NELL2: variants seen among roughly 807,000 people sequenced by gnomAD.
NELL2 encodes the protein neural EGFL like 2, also known as protein kinase C-binding protein NELL2.
In NELL2, 41 loss-of-function variants were observed where a neutral mutation model predicts 109.6. That is an observed-to-expected ratio of 0.37 (90% CI 0.29 to 0.49). NELL2 has a LOEUF of 0.49. NELL2 is among the 20% of genes least tolerant of loss of function. The probability of loss-of-function intolerance (pLI) is 0.98; values close to 1 mark genes in which losing one functional copy is unlikely to be tolerated. For synonymous variants in NELL2, 355 were observed against 344.7 expected, an observed-to-expected ratio of 1.03 and a Z score of -0.33; for missense variants, 900 against 1,008.3, an observed-to-expected ratio of 0.89 and a Z score of 1.45.
chr12:44,613,312 G>A (rs551607656), intron 13 of NELL2, among the ~76,000 whole-genome samples: 3 of 152,070 alleles, frequency 2.0e-5, no homozygotes, highest in Non-Finnish European at 4.4e-5. Context: ...TGAATTTTTA[G>A]ACCAGATTTT....
intron 12 of NELL2, among the ~76,000 whole-genome samples, chr12:44,681,381 C>G (rs1234874456): frequency 1.3e-5 from 2 of 148,222 alleles, no homozygotes; most frequent in Non-Finnish European, 3.0e-5. Flanking sequence ...TGGCATAACC[C>G]TTTTTTATTT....
At chr12:44,589,569 T>G (rs1407696545) in intron 15 of NELL2, among the ~76,000 whole-genome samples, 1 of 152,040 alleles carries the variant, frequency 6.6e-6, no homozygotes, top group Admixed American at 6.6e-5. Context: ...TTAGTAAAGA[T>G]GCGGTTTCAC....
chr12:44,540,382 G>A (rs11182530), intron 15 of NELL2, among the ~76,000 whole-genome samples: 23,389 of 152,060 alleles, frequency 0.15, 1,930 homozygotes, highest in East Asian at 0.27. Context: ...AAAGATTAGA[G>A]TCTTTATGTG....
chr12:44,691,073 C>T (rs1948883070), intron 12 of NELL2, among the ~76,000 whole-genome samples: 1 of 152,094 alleles, frequency 6.6e-6, no homozygotes. Context: ...AGTCATACAA[C>T]TGTGGGGAGC....
At chr12:44,749,661 A>G (rs1371862428) in intron 9 of NELL2, among the ~76,000 whole-genome samples, 3 of 152,156 alleles carry the variant, frequency 2.0e-5, no homozygotes, top group African/African-American at 7.2e-5. Context: ...TGTGTAGCTA[A>G]CACGAATAAT....
intron 15 of NELL2, among the ~76,000 whole-genome samples, chr12:44,547,793 T>A (rs945260783): frequency 6.6e-6 from 1 of 152,164 alleles, no homozygotes; most frequent in Non-Finnish European, 1.5e-5. Context: ...GCACATGAAC[T>A]GGACTCTTCT....
At chr12:44,660,102 G>T (rs1167465817) in intron 13 of NELL2, among the ~76,000 whole-genome samples, 1 of 152,078 alleles carries the variant, frequency 6.6e-6, no homozygotes, top group Non-Finnish European at 1.5e-5. Context: ...TTAAAACAGG[G>T]TCCTTTTTGT....
chr12:44,753,718 C>A (rs1377808301), intron 9 of NELL2, among the ~76,000 whole-genome samples: 1 of 152,102 alleles, frequency 6.6e-6, no homozygotes, highest in Admixed American at 6.6e-5. Context: ...AAAATGATTG[C>A]TACAGGGCTG....
chr12:44,876,452 C>T (rs1945329294), upstream of NELL2: 1 of 1,299,494 alleles, frequency 7.7e-7, no homozygotes, highest in Middle Eastern at 2.9e-4. Context: ...CGCACGGTCT[C>T]CTGGATGCCA....
intron 13 of NELL2, among the ~76,000 whole-genome samples, chr12:44,625,162 C>A (rs1210374698): frequency 6.6e-6 from 1 of 151,728 alleles, no homozygotes; most frequent in Non-Finnish European, 1.5e-5. Context: ...CATGACTCAG[C>A]ATATTTGCCT....
chr12:44,693,839 A>C (rs1031795634), intron 12 of NELL2, among the ~76,000 whole-genome samples: 2 of 152,220 alleles, frequency 1.3e-5, no homozygotes, highest in African/African-American at 4.8e-5. Flanking sequence ...TGAAAAAATA[A>C]ATCCATTATT....
intron 1 of NELL2, among the ~76,000 whole-genome samples, chr12:44,885,460 T>A (rs968093621): frequency 6.6e-6 from 1 of 151,898 alleles, no homozygotes; most frequent in South Asian, 2.1e-4. Context: ...AAAGTCAATA[T>A]ACAGAAATCA....
At chr12:44,533,154 C>T (rs1232651513) in intron 15 of NELL2, among the ~76,000 whole-genome samples, 3 of 152,108 alleles carry the variant, frequency 2.0e-5, no homozygotes, top group African/African-American at 7.2e-5. Context: ...GTGTGTGATT[C>T]ACATATGCCC....
intron 15 of NELL2, among the ~76,000 whole-genome samples, chr12:44,594,549 C>T (rs1455969525): frequency 5.3e-5 from 8 of 151,908 alleles, no homozygotes; most frequent in Admixed American, 5.2e-4. Context: ...GAAGTTATAT[C>T]GGATTTCCAA....
intron 2 of NELL2, among the ~76,000 whole-genome samples, chr12:44,832,923 G>C (rs1943930986): frequency 6.6e-6 from 1 of 152,130 alleles, no homozygotes; most frequent in Non-Finnish European, 1.5e-5. Flanking sequence ...CTAAATTTCT[G>C]ACAGGTACAA....
At position 44,768,313 on chromosome 12, in the gene NELL2, GTTT is replaced by G. The variant is rs137883944; in HGVS notation, c.994+6431_994+6433del. On this transcript the variant is annotated intron_variant, in intron 9 of 19. Transcript: ENST00000429094. Reference sequence around the variant, plus strand: ...AGCATGCCAAGTGCCTTTTTAAAGGGTTTTTTTTTTAATTAAGATAAAATTAAT... The same window carrying G: ...AGCATGCCAAGTGCCTTTTTAAAGGGTTTTTTTAATTAAGATAAAATTAAT... Among the ~76,000 whole-genome samples the G allele has an allele frequency of 6.5e-3, 965 of 149,206 alleles. 10 individuals carry two copies. The highest frequency in any genetic ancestry group is 0.022 in the African/African-American group (907 of 40,604).
chr12:44,841,751 G>T (rs1253375769), intron 2 of NELL2, among the ~76,000 whole-genome samples: 2 of 152,076 alleles, frequency 1.3e-5, no homozygotes, highest in Non-Finnish European at 2.9e-5. Context: ...AGAGATTCCA[G>T]GGCTCACACA....
chr12:44,632,115 A>G (rs1946478106), intron 13 of NELL2, among the ~76,000 whole-genome samples: 1 of 152,142 alleles, frequency 6.6e-6, no homozygotes, highest in African/African-American at 2.4e-5. Context: ...CTACACTAAA[A>G]TTCATTATCC....
At chr12:44,793,415 C>T (rs1010275411) in intron 3 of NELL2, among the ~76,000 whole-genome samples, 7 of 152,048 alleles carry the variant, frequency 4.6e-5, no homozygotes, top group East Asian at 1.9e-4. Flanking sequence ...CATCAGCAAA[C>T]GCATCATCCC....
Sources: gnomAD v4.1 joint callset for allele counts (sites outside exome capture counted in the v4.1 genomes callset) on GRCh38, gnomAD v4.1.1 for gene constraint, MANE v1.5 for transcripts, NCBI Gene and HGNC (gene_info 2026-07-23, HGNC 2026-07-21) for gene names.